Variants in CDX4 observed in about 807,000 individuals in gnomAD.
The protein encoded by CDX4 is caudal type homeobox 4, also known as homeobox protein CDX-4.
In CDX4, 11 loss-of-function variants were observed where a neutral mutation model predicts 14.1. That is an observed-to-expected ratio of 0.78 (90% CI 0.49 to 1.29). The LOEUF is 1.29. Ranked by LOEUF, CDX4 falls within the 50% of genes most tolerant of loss-of-function variation. The pLI is 0.00. For synonymous variants in CDX4, 100 were observed against 93.5 expected (o/e 1.07, Z -0.40); for missense variants, 257 against 237.4 (o/e 1.08, Z -0.54).
intron 1 of CDX4, among the ~76,000 whole-genome samples, chrX:73,448,376 C>T (rs920758535): frequency 8.9e-6 from 1 of 111,976 alleles, no homozygotes; most frequent in African/African-American, 3.3e-5. Flanking sequence ...GGCAAATTGG[C>T]CTAAAATCCA....
chrX:73,454,345 A>T (rs1282573874), intron 2 of CDX4, 34 bp from the exon 3 acceptor site: 2 of 1,006,542 alleles, frequency 2.0e-6, no homozygotes, highest in African/African-American at 1.9e-5. Context: ...CACTAAGTTA[A>T]CTGCATTCAG....
intron 1 of CDX4, among the ~76,000 whole-genome samples, chrX:73,451,923 G>A (rs1290790609): frequency 9.0e-6 from 1 of 111,659 alleles, no homozygotes; most frequent in Non-Finnish European, 1.9e-5. Flanking sequence ...CCAAAAGGCA[G>A]ACTTACGGTT....
intron 1 of CDX4, among the ~76,000 whole-genome samples, chrX:73,452,123 C>CTTTTTTT (rs34896025): frequency 4.5e-5 from 3 of 66,637 alleles, no homozygotes; most frequent in Non-Finnish European, 8.5e-5. Flanking sequence ...CACTGGTGTC[C>CTTTTTTT]TTTTTTTTTT....
intron 1 of CDX4, 77 bp from the exon 2 acceptor site, chrX:73,453,440 G>A: frequency 1.2e-6 from 1 of 809,516 alleles, no homozygotes. Context: ...GGTGGGAAGA[G>A]TGTCTATGAT....
intron 1 of CDX4, among the ~76,000 whole-genome samples, chrX:73,448,163 C>A (rs756154921): frequency 9.0e-6 from 1 of 111,471 alleles, no homozygotes; most frequent in African/African-American, 3.3e-5. Flanking sequence ...TGCTGCTTGA[C>A]TGTTCCATTT....
intron 1 of CDX4, among the ~76,000 whole-genome samples, chrX:73,451,224 T>C (rs2057085851): frequency 9.0e-6 from 1 of 111,677 alleles, no homozygotes; most frequent in Non-Finnish European, 1.9e-5. Flanking sequence ...GACATTATGC[T>C]TTACCAGAAA....
chrX:73,453,405 T>A, intron 1 of CDX4, 112 bp from the exon 2 acceptor site: 1 of 570,168 alleles, frequency 1.8e-6, no homozygotes, highest in Non-Finnish European at 2.7e-6. Flanking sequence ...AATATACTTA[T>A]TTTATATTTT....
chrX:73,447,313 C>T lies in CDX4; in HGVS notation c.60C>T (p.Ser20=). The change falls in exon 1 of 3, where the codon AGC becomes AGT. Residue 20 remains serine, a synonymous_variant. Coordinates refer to ENST00000373514, the MANE Select transcript of CDX4 (RefSeq NM_005193.2). ...GCATGTACCCGGGCACTCTCATGAG[C>T]CCTGGGGGCGACGGCACAGCTGGGA... is the stretch of plus-strand genomic sequence containing the variant. The part of the protein sequence containing the change: ...EAGMYPGTLM[S]PGGDGTAGTG... The T allele has an allele frequency of 8.3e-7, 1 of 1,211,111 alleles. No homozygotes were observed. The highest frequency in any genetic ancestry group is 1.1e-6 in the Non-Finnish European group (1 of 895,051).
intron 1 of CDX4, among the ~76,000 whole-genome samples, chrX:73,450,145 G>T (rs902224170): frequency 3.6e-5 from 4 of 111,453 alleles, no homozygotes; most frequent in African/African-American, 1.3e-4. Context: ...ACTGAAAAAT[G>T]TCTTAAATAA....
chrX:73,449,763 T>G (rs772380092), intron 1 of CDX4, among the ~76,000 whole-genome samples: 6 of 111,418 alleles, frequency 5.4e-5, no homozygotes, highest in Non-Finnish European at 7.5e-5. Context: ...TTTGGTTATC[T>G]CCCTAGAAAA....
In CDX4 at chrX:73,453,640, A is replaced by C. The variant is rs2057096660; in HGVS notation, c.626A>C (p.Asn209Thr). ...TIQRKSELAV[N>T]LGLSERQVKI... ...CAGAGAAAATCAGAGCTGGCAGTTAACCTGGGCCTTTCCGAGAGACAGGTA... is the reference window on the plus strand; with the variant it reads ...CAGAGAAAATCAGAGCTGGCAGTTACCCTGGGCCTTTCCGAGAGACAGGTA... Residue 209 changes from asparagine (N) to threonine (T), a missense_variant, in exon 2 of 3, where the codon AAC becomes ACC. Transcript: ENST00000373514. The C allele has an allele frequency of 3.3e-6, 4 of 1,206,524 alleles. No homozygotes were observed. The highest frequency in any genetic ancestry group is 4.5e-6 in the Non-Finnish European group (4 of 892,438).
chrX:73,451,184 A>AT (rs763160824), intron 1 of CDX4, among the ~76,000 whole-genome samples: 4 of 111,536 alleles, frequency 3.6e-5, no homozygotes, highest in South Asian at 3.8e-4. Context: ...TGTTAGTGCT[A>AT]TTTTTTTGGT....
At position 73,453,669 on chromosome X, in the gene CDX4, C is replaced by G. The variant is rs1341900076; in HGVS notation, c.648+7C>G. ...GGGCCTTTCCGAGAGACAGGTACAC[C>G]AGAAGTATATCCAACATGTCCCGTA... On this transcript the variant is annotated splice_region_variant and intron_variant, in intron 2 of 2. Coordinates refer to ENST00000373514, the MANE Select transcript of CDX4 (RefSeq NM_005193.2). 2 of 1,193,041 alleles carry G rather than the reference C, an allele frequency of 1.7e-6. No individual in the cohort carries two copies. Among genetic ancestry groups the G allele is most frequent in the Non-Finnish European group, 2.3e-6 (2 of 883,266 alleles).
intron 1 of CDX4, among the ~76,000 whole-genome samples, chrX:73,448,457 G>C (rs1041678906): frequency 8.9e-6 from 1 of 112,308 alleles, no homozygotes; most frequent in African/African-American, 3.2e-5. Flanking sequence ...GCACTGACCT[G>C]GTACATAATA....
chrX:73,453,064 A>G (rs1311888032), intron 1 of CDX4, among the ~76,000 whole-genome samples: 2 of 111,944 alleles, frequency 1.8e-5, no homozygotes, highest in South Asian at 3.7e-4. Flanking sequence ...CATAAAATGT[A>G]GTGGGAAGTG....
chrX:73,453,672 A>T lies in CDX4; in HGVS notation c.648+10A>T. On this transcript the variant is annotated intron_variant, in intron 2 of 2. Coordinates refer to ENST00000373514, the MANE Select transcript of CDX4 (RefSeq NM_005193.2). ...CCTTTCCGAGAGACAGGTACACCAG[A>T]AGTATATCCAACATGTCCCGTATAG... 1 of 1,191,841 alleles carries T rather than the reference A, an allele frequency of 8.4e-7. No individual in the cohort carries two copies. The highest frequency in any genetic ancestry group is 1.1e-6 in the Non-Finnish European group (1 of 880,555).
chrX:73,447,846 CT>C lies in CDX4; in HGVS notation c.502+92del, dbSNP rs1426396438. 137 of 1,044,865 alleles carry C rather than the reference CT, an allele frequency of 1.3e-4. 1 individual carries two copies. The African/African-American group carries it at 2.3e-3, about 17-fold the overall frequency. The allele number at this position is 1,044,865 out of a possible 1,213,427, so 86.1% of individuals were successfully genotyped here. A position where few individuals can be genotyped will look rare whatever the true frequency, so the allele number is the denominator to read the frequency against. On this transcript the variant is annotated intron_variant, in intron 1 of 2. Coordinates refer to ENST00000373514, the MANE Select transcript of CDX4 (RefSeq NM_005193.2). Reference sequence around the variant, plus strand: ...CGGCCTGCCCTCGTACTTCTCAGGCCTCTCCCAAGAGGGCTTAGCTGAGGCG... The same window carrying C: ...CGGCCTGCCCTCGTACTTCTCAGGCCCTCCCAAGAGGGCTTAGCTGAGGCG...
Position 73,454,526 on chromosome X carries a change from C to T in CDX4, c.796C>T (p.Pro266Ser), listed in dbSNP as rs199967021. 286 of 1,207,842 alleles carry T rather than the reference C, an allele frequency of 2.4e-4. 1 individual carries two copies. The East Asian group carries it at 5.7e-3, about 24-fold the overall frequency. ...GELPNTFFTTPSAVRGFQPIE... is the reference protein window; with the variant it reads ...GELPNTFFTTSSAVRGFQPIE... ...ACTACCTAACACTTTTTTCACCACA[C>T]CATCTGCTGTTCGTGGATTTCAACC... The change falls in exon 3 of 3, where the codon CCA becomes TCA. Residue 266 changes from proline to serine, a missense_variant. Coordinates refer to ENST00000373514, the MANE Select transcript of CDX4 (RefSeq NM_005193.2).
chrX:73,454,363 C>T lies in CDX4; in HGVS notation c.649-16C>T, dbSNP rs984543064. The T allele has an allele frequency of 1.1e-5, 12 of 1,136,025 alleles. No homozygotes were observed. The highest frequency in any genetic ancestry group is 1.8e-5 in the African/African-American group (1 of 56,320). 93.6% of individuals were successfully genotyped at this position (1,136,025 alleles called of 1,213,427 possible). ...TAAGTTAACTGCATTCAGTATGTTGCCCCATTGTGTTTCAGGTGAAAATCT... is the reference window on the plus strand; with the variant it reads ...TAAGTTAACTGCATTCAGTATGTTGTCCCATTGTGTTTCAGGTGAAAATCT... On this transcript the variant is annotated splice_polypyrimidine_tract_variant and intron_variant, in intron 2 of 2. Coordinates refer to ENST00000373514, the MANE Select transcript of CDX4 (RefSeq NM_005193.2).
Sources: gnomAD v4.1 joint callset for allele counts (sites outside exome capture counted in the v4.1 genomes callset) on GRCh38, gnomAD v4.1.1 for gene constraint, MANE v1.5 for transcripts, NCBI Gene and HGNC (gene_info 2026-07-23, HGNC 2026-07-21) for gene names.